The following MICAL3 variants were observed in gnomAD, a reference collection of about 807,000 sequenced individuals.
MICAL3 encodes microtubule associated monooxygenase, calponin and LIM domain containing 3.
A neutral mutation model predicts 207.4 loss-of-function variants in MICAL3; 62 were observed. That is an observed-to-expected ratio of 0.30 (90% CI 0.24 to 0.37). The LOEUF is 0.37. MICAL3 is among the 10% of genes least tolerant of loss of function. The pLI is 1.00. For synonymous variants in MICAL3, 1,077 were observed against 1,069.3 expected (o/e 1.01, Z -0.14); for missense variants, 2,368 against 2,635.6 (o/e 0.90, Z 2.22).
intron 22 of MICAL3, among the ~76,000 whole-genome samples, chr22:17,824,815 T>C (rs562551690): frequency 1.1e-3 from 166 of 152,314 alleles, no homozygotes; most frequent in Non-Finnish European, 1.6e-3. Context: ...AGAACACTGC[T>C]TTTGGCCACT....
intron 19 of MICAL3, chr22:17,862,099 C>A: frequency 1.0e-6 from 1 of 985,268 alleles, no homozygotes; most frequent in Non-Finnish European, 1.2e-6. Context: ...GGACGTGGGT[C>A]TAGGGAGGAT....
In MICAL3 at chr22:17,976,388, A is replaced by G. The variant is rs185975843; in HGVS notation, c.-75+47893T>C. Among the ~76,000 whole-genome samples the G allele has an allele frequency of 5.5e-3, 842 of 152,022 alleles. 7 individuals carry two copies. Among genetic ancestry groups the G allele is most frequent in the African/African-American group, 0.019 (800 of 41,440 alleles). ...TTTTCTTGGCTTTTGCTTAAATGTA[A>G]CCTCAGTACACTTGTATCCAACCTC... On this transcript the variant is annotated intron_variant, in intron 1 of 31. Transcript: ENST00000441493.
chr22:17,824,215 C>T (rs1921932467), intron 22 of MICAL3, among the ~76,000 whole-genome samples: 1 of 152,196 alleles, frequency 6.6e-6, no homozygotes, highest in Non-Finnish European at 1.5e-5. Flanking sequence ...GGCCTGCGGG[C>T]TCTCCTAGGG....
At chr22:17,984,437 G>A (rs1936062306) in intron 1 of MICAL3, among the ~76,000 whole-genome samples, 1 of 152,196 alleles carries the variant, frequency 6.6e-6, no homozygotes, top group Non-Finnish European at 1.5e-5. Flanking sequence ...CCAAGATTAC[G>A]CAGACACCGA....
chr22:17,902,664 G>A lies in MICAL3; in HGVS notation c.556C>T (p.Leu186Phe), dbSNP rs1391541274. 3 of 1,606,804 alleles carry A rather than the reference G, an allele frequency of 1.9e-6. No individual in the cohort carries two copies. The highest frequency in any genetic ancestry group is 1.1e-5 in the South Asian group (1 of 89,520). The change falls in exon 4 of 32, where the codon CTT becomes TTT. Residue 186 changes from leucine to phenylalanine, a missense_variant. Leu to Phe is a conservative substitution (Grantham distance 22, BLOSUM62 0). This residue lies in a region of MICAL3 where 400 missense variants were observed against 547.0 expected (regional missense o/e 0.73). Coordinates refer to ENST00000441493, the MANE Select transcript of MICAL3 (RefSeq NM_015241.3). This position sits in a 1 kb window ranked among gnomAD's most constrained non-coding sequence, Gnocchi z 4.5. ...EIHVNVEFQG[L>F]IQPPEDQENE... Reference sequence around the variant, plus strand: ...TCTTGGTCCTCAGGAGGCTGTATAAGTCCTTGGAATTCCACATTGACGTGG... The same window carrying A: ...TCTTGGTCCTCAGGAGGCTGTATAAATCCTTGGAATTCCACATTGACGTGG...
Position 17,817,336 on chromosome 22 carries a change from G to A in MICAL3, c.5325C>T (p.His1775=), listed in dbSNP as rs753178090. ...SSGATVDSGK[H]RVLPVVRAEL... ...CTGCCCTTACGACGGGAAGCACCCT[G>A]TGCTTTCCAGAGTCCACCGTGGCCC... Residue 1775 remains histidine, a synonymous_variant, in exon 26 of 32, where the codon CAC becomes CAT. Coordinates refer to ENST00000441493, the MANE Select transcript of MICAL3 (RefSeq NM_015241.3). 8 of 1,606,614 alleles carry A rather than the reference G, an allele frequency of 5.0e-6. No individual in the cohort carries two copies. In the African/African-American group the frequency reaches 8.0e-5, roughly 16 times the overall value.
In MICAL3 at chr22:17,817,394, T is replaced by A; in HGVS notation, c.5267A>T (p.Asp1756Val). 1 of 1,613,048 alleles carries A rather than the reference T, an allele frequency of 6.2e-7. No homozygotes were observed. The highest frequency in any genetic ancestry group is 2.2e-5 in the East Asian group (1 of 44,868). ...GYKKDKKKKADDKSCPSTPSS... is the reference protein window; with the variant it reads ...GYKKDKKKKAVDKSCPSTPSS... The stretch of plus-strand genomic sequence containing the variant: ...GGGGGTGCTGGGGCAGGACTTGTCG[T>A]CGGCCTTCTTCTTCTTGTCCTTCTT... The change falls in exon 26 of 32, where the codon GAC (aspartate) becomes GTC (valine). Residue 1756 changes from aspartate (D) to valine (V), a missense_variant. This residue lies in a region of MICAL3 where 1,770 missense variants were observed against 1,863.2 expected (regional missense o/e 0.95). Coordinates refer to ENST00000441493, the MANE Select transcript of MICAL3 (RefSeq NM_015241.3).
intron 1 of MICAL3, among the ~76,000 whole-genome samples, chr22:17,985,760 G>C (rs1920976415): frequency 6.6e-6 from 1 of 152,050 alleles, no homozygotes; most frequent in African/African-American, 2.4e-5. Flanking sequence ...ATCTAGACTG[G>C]GAGATCAGAG....
At chr22:17,800,982 A>T (rs898552127) in intron 29 of MICAL3, among the ~76,000 whole-genome samples, 1 of 152,104 alleles carries the variant, frequency 6.6e-6, no homozygotes, top group Non-Finnish European at 1.5e-5. Context: ...GTCCCCTTCA[A>T]GCAGCAGCCC....
chr22:17,880,272 C>A (rs554542496), intron 16 of MICAL3, among the ~76,000 whole-genome samples: 1 of 152,228 alleles, frequency 6.6e-6, no homozygotes, highest in South Asian at 2.1e-4. Context: ...CTTCAGTCTC[C>A]TCCCTGGTAA....
At chr22:17,887,866 A>T (rs1478863402) in intron 13 of MICAL3, among the ~76,000 whole-genome samples, 1 of 152,072 alleles carries the variant, frequency 6.6e-6, no homozygotes, top group East Asian at 1.9e-4. Context: ...CAGATGCCAC[A>T]CTCTGAGCTG....
chr22:17,983,049 T>G (rs5992945), intron 1 of MICAL3, among the ~76,000 whole-genome samples: 3,592 of 152,314 alleles, frequency 0.024, 121 homozygotes, highest in African/African-American at 0.072. Flanking sequence ...CATGGGTCTC[T>G]TCTAGCTCAG....
At chr22:17,808,999 A>C in intron 28 of MICAL3, 62 bp from the exon 29 acceptor site, 1 of 1,350,514 alleles carries the variant, frequency 7.4e-7, no homozygotes. Context: ...AGGACACACA[A>C]CTCCACACCC....
chr22:17,877,290 G>GC (rs1569110149), intron 16 of MICAL3, among the ~76,000 whole-genome samples: 10 of 128,948 alleles, frequency 7.8e-5, no homozygotes, highest in South Asian at 2.3e-4. Context: ...GGAGGTTATG[G>GC]AGGTTAGGGA....
intron 22 of MICAL3, among the ~76,000 whole-genome samples, chr22:17,825,218 A>G (rs1345239853): frequency 1.3e-5 from 2 of 152,200 alleles, no homozygotes; most frequent in Admixed American, 1.3e-4. Flanking sequence ...TGAGAAGTCT[A>G]CACTCCTTGG....
At chr22:17,798,860 A>T (rs1252683269) in intron 29 of MICAL3, among the ~76,000 whole-genome samples, 1 of 151,644 alleles carries the variant, frequency 6.6e-6, no homozygotes, top group Non-Finnish European at 1.5e-5. Context: ...TTTTTAGTAG[A>T]GATGGGGTTT....
At chr22:17,802,476 A>G (rs1359754284) in intron 29 of MICAL3, among the ~76,000 whole-genome samples, 2 of 152,180 alleles carry the variant, frequency 1.3e-5, no homozygotes, top group Non-Finnish European at 2.9e-5. Flanking sequence ...GCCCTTCTGC[A>G]GCACCAGTGG....
In MICAL3 at chr22:17,818,472, CGCCTTCCGGCTTTGGCAGGCCCA is replaced by C; in HGVS notation, c.4166_4188del (p.Leu1389ArgfsTer128). 1 of 1,612,832 alleles carries C rather than the reference CGCCTTCCGGCTTTGGCAGGCCCA, an allele frequency of 6.2e-7. No homozygotes were observed. The highest frequency in any genetic ancestry group is 1.7e-5 in the Admixed American group (1 of 60,022). On this transcript the variant is annotated frameshift_variant, in exon 26 of 32. Transcript: ENST00000441493. LOFTEE classifies it high-confidence loss of function. ...CGGGGGGTTGGCAGGGACAACGGCT[CGCCTTCCGGCTTTGGCAGGCCCA>C]GCCTTTTGGGGATGGACAGAGGCTT...
At chr22:17,932,666 A>G (rs1286416824) in intron 1 of MICAL3, among the ~76,000 whole-genome samples, 1 of 152,204 alleles carries the variant, frequency 6.6e-6, no homozygotes, top group African/African-American at 2.4e-5. Flanking sequence ...TGCTCCAATT[A>G]AAAGACACAG....
Sources: gnomAD v4.1 joint callset for allele counts (sites outside exome capture counted in the v4.1 genomes callset) on GRCh38, gnomAD v4.1.1 for gene constraint, gnomAD v4.1.1 regional missense constraint, Gnocchi (gnomAD v3.1) non-coding constraint, MANE v1.5 for transcripts, NCBI Gene and HGNC (gene_info 2026-07-23, HGNC 2026-07-21) for gene names.